The following AOPEP variants were observed in gnomAD, a reference collection of about 807,000 sequenced individuals.
The protein encoded by AOPEP is aminopeptidase O (putative).
AOPEP carries 77 observed loss-of-function variants against 98.1 expected under a neutral mutation model. That is an observed-to-expected ratio of 0.78 (90% confidence interval 0.65 to 0.95). AOPEP has a LOEUF of 0.95. Ranked by LOEUF, AOPEP falls within the 40% of genes least tolerant of loss-of-function variation. The pLI, the probability that AOPEP is intolerant of heterozygous loss-of-function variation, is 0.00. For missense variants in AOPEP, 1,024 were observed against 1,024.7 expected, an observed-to-expected ratio of 1.00 and a Z score of 0.01; for synonymous variants, 346 against 365.3, an observed-to-expected ratio of 0.95 and a Z score of 0.60.
intron 14 of AOPEP, among the ~76,000 whole-genome samples, chr9:95,074,248 G>T (rs1382802926): frequency 6.6e-6 from 1 of 152,188 alleles, no homozygotes; most frequent in African/African-American, 2.4e-5. Flanking sequence ...GTGGGGTAGG[G>T]TCCACAATCC....
intron 7 of AOPEP, chr9:94,934,553 C>T (rs1348989682): frequency 1.3e-5 from 2 of 152,254 alleles, no homozygotes; most frequent in African/African-American, 4.8e-5. Flanking sequence ...TTCTTGTCTC[C>T]ATTCCCACAG....
At position 95,005,553 on chromosome 9, in the gene AOPEP, G is replaced by T; in HGVS notation, c.2052G>T (p.Trp684Cys). Residue 684 changes from tryptophan (W) to cysteine (C), a missense_variant, in exon 13 of 17, where the codon TGG becomes TGT. This residue lies in a region of AOPEP where 566 missense variants were observed against 551.7 expected (regional missense o/e 1.03). Transcript: ENST00000375315. ...TTTTTGAACCTCAGGTCACGAAATG[G>T]ATTGGAGTGAACCGGAGACCCCGAA... is the stretch of plus-strand genomic sequence containing the variant. The part of the protein sequence containing the change: ...ARQVRAEVTK[W>C]IGVNRRPRKR... 6.2e-7 allele frequency: 1 copy of T among 1,614,028 alleles called. No individual in the cohort carries two copies. Among genetic ancestry groups the T allele is most frequent in the Non-Finnish European group, 8.5e-7 (1 of 1,179,962 alleles).
intron 5 of AOPEP, among the ~76,000 whole-genome samples, chr9:94,837,156 AG>A (rs2041706566): frequency 6.6e-6 from 1 of 152,202 alleles, no homozygotes; most frequent in Non-Finnish European, 1.5e-5. Flanking sequence ...TAGAAAACAG[AG>A]GAGATGGATA....
rs968402263 is a variant in AOPEP at position 94,941,383 on chromosome 9, C to A, written c.1661+12852C>A. The stretch of plus-strand genomic sequence containing the variant: ...CCTCAGGCACGTGGGATTCCCCTAC[C>A]CACTCCTGTCTGTCTAGTGTTTTTA... On this transcript the variant is annotated intron_variant, in intron 7 of 16. Coordinates refer to ENST00000375315, the MANE Select transcript of AOPEP (RefSeq NM_001193329.3). 4.6e-5 allele frequency among the ~76,000 whole-genome samples: 7 copies of A among 152,232 alleles called. No homozygotes were observed. The East Asian group carries it at 1.3e-3, about 29-fold the overall frequency.
intron 5 of AOPEP, among the ~76,000 whole-genome samples, chr9:94,850,576 T>C (rs73536067): frequency 0.011 from 1,697 of 152,262 alleles, 29 homozygotes; most frequent in African/African-American, 0.038. Context: ...TTGGCAATGG[T>C]AGAGTGGAAT....
chr9:94,779,836 T>C (rs1207981744), intron 3 of AOPEP, among the ~76,000 whole-genome samples: 1 of 152,140 alleles, frequency 6.6e-6, no homozygotes, highest in Non-Finnish European at 1.5e-5. Flanking sequence ...CTCCACCACT[T>C]GTCTTTCATC....
At chr9:95,074,025 ACT>A (rs1357111746) in intron 14 of AOPEP, among the ~76,000 whole-genome samples, 1 of 151,924 alleles carries the variant, frequency 6.6e-6, no homozygotes, top group Non-Finnish European at 1.5e-5. Context: ...ACTGACCATC[ACT>A]CTGCCCCGCA....
At chr9:94,828,777 A>G (rs1855241815) in intron 5 of AOPEP, among the ~76,000 whole-genome samples, 1 of 151,560 alleles carries the variant, frequency 6.6e-6, no homozygotes, top group East Asian at 1.9e-4. Context: ...TATAAATCAC[A>G]TACTTTAGTT....
chr9:94,899,282 T>C (rs1459059176), intron 5 of AOPEP, among the ~76,000 whole-genome samples: 2 of 140,692 alleles, frequency 1.4e-5, no homozygotes, highest in African/African-American at 2.6e-5. Flanking sequence ...CCTCCTGGGT[T>C]CACGCCATTC....
chr9:94,744,622 A>C (rs528312485), intron 1 of AOPEP, among the ~76,000 whole-genome samples: 1 of 147,502 alleles, frequency 6.8e-6, no homozygotes, highest in South Asian at 2.2e-4. Context: ...AATCACTTCA[A>C]CCCAGGAGAC....
intron 5 of AOPEP, among the ~76,000 whole-genome samples, chr9:94,847,575 A>T (rs938312401): frequency 2.6e-4 from 39 of 152,230 alleles, no homozygotes; most frequent in Non-Finnish European, 5.7e-4. Context: ...AATCAAATTA[A>T]TTCAAGTAGT....
chr9:94,781,500 G>A (rs1296615710), intron 3 of AOPEP, among the ~76,000 whole-genome samples: 1 of 150,838 alleles, frequency 6.6e-6, no homozygotes, highest in African/African-American at 2.4e-5. Context: ...ATTTTAAAAA[G>A]AATTGGTTTA....
At chr9:94,776,321 G>A (rs1218355076) in intron 3 of AOPEP, among the ~76,000 whole-genome samples, 1 of 151,914 alleles carries the variant, frequency 6.6e-6, no homozygotes, top group Non-Finnish European at 1.5e-5. Flanking sequence ...TTGTTTTTTG[G>A]AGACGGAGTC....
At chr9:94,842,254 C>T (rs998462658) in intron 5 of AOPEP, among the ~76,000 whole-genome samples, 7 of 151,888 alleles carry the variant, frequency 4.6e-5, no homozygotes, top group Non-Finnish European at 4.4e-5. Flanking sequence ...CCCAGCTACT[C>T]GGGAGGCTGA....
chr9:94,975,676 T>G (rs1352171021), intron 10 of AOPEP, among the ~76,000 whole-genome samples: 1 of 152,212 alleles, frequency 6.6e-6, no homozygotes, highest in East Asian at 1.9e-4. Flanking sequence ...TGGGCCGCTC[T>G]CGTTGCCTCC....
chr9:94,985,044 A>G (rs2060429936), intron 11 of AOPEP, among the ~76,000 whole-genome samples: 1 of 152,226 alleles, frequency 6.6e-6, no homozygotes, highest in Non-Finnish European at 1.5e-5. Context: ...CCACAAGCAC[A>G]CCGCCTCAGG....
Position 94,773,141 on chromosome 9 carries a change from T to G in AOPEP, c.937T>G (p.Ser313Ala), listed in dbSNP as rs1029308444. ...SFVVLMSGEN[S>A]AKPTQLWEEC... Reference sequence around the variant, plus strand: ...TGTTGTTTTAATGAGTGGGGAAAATTCTGCCAAACCAACGCAGCTTTGGGA... The same window carrying G: ...TGTTGTTTTAATGAGTGGGGAAAATGCTGCCAAACCAACGCAGCTTTGGGA... Residue 313 changes from serine (S) to alanine (A), a missense_variant, in exon 3 of 17, where the codon TCT (serine) becomes GCT (alanine). Around this residue, in one of 3 missense-constraint regions of AOPEP, gnomAD observed 440 missense variants for 433.8 expected, o/e 1.01. Coordinates refer to ENST00000375315, the MANE Select transcript of AOPEP (RefSeq NM_001193329.3). The G allele has an allele frequency of 3.1e-6, 5 of 1,614,004 alleles. No individual in the cohort carries two copies. The African/African-American group carries it at 6.7e-5, about 22-fold the overall frequency.
At chr9:95,097,143 G>A in the AOPEP span, among the ~76,000 whole-genome samples, 5 of 152,210 alleles carry the variant, frequency 3.3e-5, no homozygotes, top group Non-Finnish European at 7.3e-5. Flanking sequence ...CCAGATTTAG[G>A]TGCCTACAAA....
chr9:94,865,023 C>T (rs2045553416), intron 5 of AOPEP, among the ~76,000 whole-genome samples: 1 of 152,164 alleles, frequency 6.6e-6, no homozygotes, highest in Admixed American at 6.6e-5. Context: ...TTAACACACA[C>T]TCGAGTAATT....
Sources: allele counts gnomAD v4.1 joint callset (sites outside exome capture counted in the v4.1 genomes callset), GRCh38; gene constraint gnomAD v4.1.1; regional missense constraint gnomAD v4.1.1; transcripts MANE v1.5; gene names NCBI Gene and HGNC (gene_info 2026-07-23, HGNC 2026-07-21).